Variants in ARMH4 observed in about 807,000 individuals in gnomAD.
The protein encoded by ARMH4 is armadillo like helical domain containing 4, also known as armadillo-like helical domain-containing protein 4.
In ARMH4, 49 loss-of-function variants were observed where a neutral mutation model predicts 61.9. That is an observed-to-expected ratio of 0.79 (90% CI 0.63 to 1.00). The LOEUF is 1.00. Among genes scored for constraint, ARMH4 ranks in the 50% least tolerant of loss-of-function variants. ARMH4 has a pLI of 0.00. For missense variants in ARMH4, 934 were observed against 930.0 expected, an observed-to-expected ratio of 1.00 and a Z score of -0.06; for synonymous variants, 368 against 341.5, an observed-to-expected ratio of 1.08 and a Z score of -0.85.
chr14:58,075,018 A>T (rs1264086356), intron 5 of ARMH4, among the ~76,000 whole-genome samples: 1 of 152,204 alleles, frequency 6.6e-6, no homozygotes, highest in Non-Finnish European at 1.5e-5. Context: ...ATAACTAGTC[A>T]CTAGAGAAAT....
At chr14:58,114,108 T>A (rs1886440777) in intron 4 of ARMH4, among the ~76,000 whole-genome samples, 2 of 152,152 alleles carry the variant, frequency 1.3e-5, no homozygotes, top group South Asian at 4.1e-4. Context: ...ACACATTTAT[T>A]TTATTCCTCA....
At chr14:58,137,453 A>G (rs1863176264) in intron 2 of ARMH4, among the ~76,000 whole-genome samples, 1 of 151,668 alleles carries the variant, frequency 6.6e-6, no homozygotes, top group Non-Finnish European at 1.5e-5. Context: ...GCTGGAGTGC[A>G]GTGGTACAAT....
At chr14:58,133,615 C>A (rs1887203112) in intron 2 of ARMH4, among the ~76,000 whole-genome samples, 1 of 152,172 alleles carries the variant, frequency 6.6e-6, no homozygotes, top group South Asian at 2.1e-4. Flanking sequence ...AATTGCTGAG[C>A]TCCCTTTCAG....
intron 5 of ARMH4, among the ~76,000 whole-genome samples, chr14:58,027,555 A>G (rs150165649): frequency 1.1e-4 from 17 of 152,280 alleles, no homozygotes; most frequent in African/African-American, 3.1e-4. Flanking sequence ...TTAAAGGCAT[A>G]TGACTTGGTG....
intron 4 of ARMH4, among the ~76,000 whole-genome samples, chr14:58,097,826 C>T (rs1053737844): frequency 2.0e-4 from 30 of 152,186 alleles, no homozygotes. Context: ...CTCCCTCGGC[C>T]TCCCACAATG....
chr14:58,147,440 G>A (rs536659746), intron 1 of ARMH4, among the ~76,000 whole-genome samples: 2 of 151,774 alleles, frequency 1.3e-5, no homozygotes, highest in East Asian at 3.9e-4. Context: ...TCAGCCTCCT[G>A]AGTAGCTGGG....
intron 1 of ARMH4, among the ~76,000 whole-genome samples, chr14:58,144,392 A>G (rs1188648919): frequency 6.6e-6 from 1 of 152,048 alleles, no homozygotes; most frequent in African/African-American, 2.4e-5. Flanking sequence ...GGCAAATCTC[A>G]TCTCTACAAA....
chr14:58,063,158 T>C (rs1344026954), intron 5 of ARMH4, among the ~76,000 whole-genome samples: 1 of 152,076 alleles, frequency 6.6e-6, no homozygotes, highest in Non-Finnish European at 1.5e-5. Flanking sequence ...ATAACTCCAA[T>C]CTCTACCTCA....
chr14:58,124,645 TAAAGA>T (rs999381775), intron 4 of ARMH4, among the ~76,000 whole-genome samples: 4 of 152,084 alleles, frequency 2.6e-5, no homozygotes, highest in African/African-American at 9.7e-5. Flanking sequence ...TTCCAGACAA[TAAAGA>T]AAAGATAGAA....
intron 5 of ARMH4, among the ~76,000 whole-genome samples, chr14:58,050,299 C>T (rs935436723): frequency 2.6e-5 from 4 of 152,200 alleles, no homozygotes; most frequent in African/African-American, 9.7e-5. Flanking sequence ...GGTCCTTAAA[C>T]GCTGGAGTAG....
At chr14:58,099,953 G>A (rs772290661) in intron 4 of ARMH4, among the ~76,000 whole-genome samples, 6 of 152,138 alleles carry the variant, frequency 3.9e-5, no homozygotes, top group Admixed American at 6.5e-5. Context: ...CTGTTGTAAG[G>A]ATTTCATTAG....
At chr14:58,103,781 A>G (rs1483621431) in intron 4 of ARMH4, among the ~76,000 whole-genome samples, 1 of 152,024 alleles carries the variant, frequency 6.6e-6, no homozygotes, top group Non-Finnish European at 1.5e-5. Flanking sequence ...AGCATTATAA[A>G]ATTAATTTTA....
rs1310952726 is a variant in ARMH4 at position 58,022,489 on chromosome 14, T to C, written c.2090-10339A>G. Reference sequence around the variant, plus strand: ...ATTACATCAGGTAAATCCCTGAGTTTTCCTCATTTCTGACATGTGTTCTAC... The same window carrying C: ...ATTACATCAGGTAAATCCCTGAGTTCTCCTCATTTCTGACATGTGTTCTAC... On this transcript the variant is annotated intron_variant, in intron 5 of 7. Transcript: ENST00000267485. Among the ~76,000 whole-genome samples, 2 of 152,136 alleles carry C rather than the reference T, an allele frequency of 1.3e-5. 1 individual carries two copies. The highest frequency in any genetic ancestry group is 2.9e-5 in the Non-Finnish European group (2 of 68,030).
At chr14:58,130,732 T>C (rs1381834721) in intron 4 of ARMH4, among the ~76,000 whole-genome samples, 1 of 152,158 alleles carries the variant, frequency 6.6e-6, no homozygotes, top group African/African-American at 2.4e-5. Flanking sequence ...ACTGCCTATC[T>C]CCAAATAGTA....
Position 58,002,490 on chromosome 14 carries a change from T to G in ARMH4, c.*2246A>C, listed in dbSNP as rs1337827055. ...AATATGGGTCTGTTATTTGGGAATT[T>G]ATTACACTACAGTTTGAAGATTCAA... On this transcript the variant is annotated 3_prime_UTR_variant, in exon 8 of 8. Transcript: ENST00000267485. The G allele has an allele frequency of 1.3e-5, 2 of 152,216 alleles. No homozygotes were observed. Among genetic ancestry groups the G allele is most frequent in the African/African-American group, 2.4e-5 (1 of 41,460 alleles). The allele number at this position is 152,216 out of a possible 1,614,324, so 9.4% of individuals were successfully genotyped here.
chr14:58,041,675 T>C (rs1414975852), intron 5 of ARMH4, among the ~76,000 whole-genome samples: 1 of 152,040 alleles, frequency 6.6e-6, no homozygotes, highest in Admixed American at 6.6e-5. Context: ...TCAAGACCCA[T>C]CAGTGTGCTG....
intron 2 of ARMH4, among the ~76,000 whole-genome samples, chr14:58,137,729 TTTC>T (rs1223090077): frequency 2.0e-5 from 3 of 152,120 alleles, no homozygotes; most frequent in Non-Finnish European, 4.4e-5. Context: ...TGCTTCTGCT[TTTC>T]TTTTTATTTT....
At chr14:58,062,484 C>T (rs1003666777) in intron 5 of ARMH4, among the ~76,000 whole-genome samples, 2 of 152,132 alleles carry the variant, frequency 1.3e-5, no homozygotes, top group Admixed American at 6.5e-5. Context: ...GATAACTAGA[C>T]GGCAATGGAA....
intron 4 of ARMH4, among the ~76,000 whole-genome samples, chr14:58,111,577 G>T (rs1886353158): frequency 6.6e-6 from 1 of 152,140 alleles, no homozygotes; most frequent in Non-Finnish European, 1.5e-5. Flanking sequence ...GTGGGTTTCT[G>T]GTAAGGCCTC....
Sources: allele counts gnomAD v4.1 joint callset (sites outside exome capture counted in the v4.1 genomes callset), GRCh38; gene constraint gnomAD v4.1.1; transcripts MANE v1.5; gene names NCBI Gene and HGNC (gene_info 2026-07-23, HGNC 2026-07-21).